P4HA3: variants seen among roughly 807,000 people sequenced by gnomAD.
P4HA3 encodes prolyl 4-hydroxylase subunit alpha-3.
P4HA3 carries 60 observed loss-of-function variants against 66.7 expected under a neutral mutation model. The observed-to-expected ratio is 0.90, with a 90% CI of 0.73 to 1.12. The LOEUF (loss-of-function observed/expected upper bound fraction) is 1.12, where lower values mean the gene tolerates loss of function less well. Ranked by LOEUF, P4HA3 falls within the 50% of genes most tolerant of loss-of-function variation. P4HA3 has a pLI of 0.00. For synonymous variants in P4HA3, 263 were observed against 274.6 expected (o/e 0.96, Z 0.42); for missense variants, 683 against 685.8 (o/e 1.00, Z 0.05).
intron 4 of P4HA3, among the ~76,000 whole-genome samples, chr11:74,290,659 A>G (rs1410608873): frequency 6.6e-6 from 1 of 152,166 alleles, no homozygotes; most frequent in Admixed American, 6.5e-5. Flanking sequence ...AGCTTTCTAC[A>G]TATGGCTAGC....
At chr11:74,290,920 C>T (rs1239749348) in intron 4 of P4HA3, among the ~76,000 whole-genome samples, 2 of 152,230 alleles carry the variant, frequency 1.3e-5, no homozygotes, top group Middle Eastern at 3.4e-3. Flanking sequence ...ATTGACTTGG[C>T]GATGCGGGCT....
intron 11 of P4HA3, 44 bp from the exon 12 acceptor site, chr11:74,268,285 C>T: frequency 6.6e-7 from 1 of 1,523,028 alleles, no homozygotes; most frequent in Non-Finnish European, 9.1e-7. Flanking sequence ...AGCCCAGAAC[C>T]TCAGTCCTCG....
At chr11:74,272,490 G>C (rs1860239776) in intron 10 of P4HA3, among the ~76,000 whole-genome samples, 1 of 152,190 alleles carries the variant, frequency 6.6e-6, no homozygotes, top group South Asian at 2.1e-4. Context: ...TCCCCTGCCT[G>C]ATAGCTGACC....
chr11:74,267,694 C>A (rs1025295400), intron 12 of P4HA3, among the ~76,000 whole-genome samples: 1 of 152,200 alleles, frequency 6.6e-6, no homozygotes, highest in Admixed American at 6.5e-5. Flanking sequence ...AGCTTATGAG[C>A]CCCCTTCCAC....
chr11:74,272,359 G>GAT lies in P4HA3; in HGVS notation c.1398+1184_1398+1185dup, dbSNP rs1860235407. On this transcript the variant is annotated intron_variant, in intron 10 of 12. Coordinates refer to ENST00000331597, the MANE Select transcript of P4HA3 (RefSeq NM_182904.5). Reference sequence around the variant, plus strand: ...AGATATTGAGGGGATAAAGAACAGAGATATATTGTGCCCTAGATGCCCTGT... The same window carrying GAT: ...AGATATTGAGGGGATAAAGAACAGAGATATATATTGTGCCCTAGATGCCCTGT... 2.6e-5 allele frequency among the ~76,000 whole-genome samples: 4 copies of GAT among 152,288 alleles called. No homozygotes were observed. In the South Asian group the frequency reaches 8.3e-4, roughly 32 times the overall value.
At position 74,267,267 on chromosome 11, in the gene P4HA3, C is replaced by A. The variant is rs771188402; in HGVS notation, c.1616G>T (p.Ser539Ile). 3.1e-6 allele frequency: 5 copies of A among 1,614,244 alleles called. No homozygotes were observed. The South Asian group carries it at 5.5e-5, about 18-fold the overall frequency. The change falls in exon 13 of 13, where the codon AGC becomes ATC. Residue 539 changes from serine (S) to isoleucine (I), a missense_variant. Coordinates refer to ENST00000331597, the MANE Select transcript of P4HA3 (RefSeq NM_182904.5). The stretch of plus-strand genomic sequence containing the variant: ...AACAGTTCAGTCTTCAGGGCTGGAG[C>A]TGCAGGGTCTGCGGAATTCCTGTCC... ...EYGQEFRRPC[S>I]SSPED
chr11:74,264,471 G>A (rs1388469989), downstream of P4HA3, among the ~76,000 whole-genome samples: 1 of 152,092 alleles, frequency 6.6e-6, no homozygotes, highest in Non-Finnish European at 1.5e-5. Flanking sequence ...CAGGGGTGAG[G>A]GGAGCCTCTT....
At chr11:74,293,732 CT>C (rs765781476) in intron 4 of P4HA3, among the ~76,000 whole-genome samples, 50 of 152,274 alleles carry the variant, frequency 3.3e-4, no homozygotes, top group Non-Finnish European at 6.2e-4. Context: ...ATATGAGATT[CT>C]GGGTTGAAAA....
At chr11:74,251,173 G>C (rs1163612454) in intron 15 of P4HA3, 1 of 1,465,676 alleles carries the variant, frequency 6.8e-7, no homozygotes, top group Non-Finnish European at 9.0e-7. Context: ...ACTTCTCCCT[G>C]GCAGCTGCTT....
intron 7 of P4HA3, among the ~76,000 whole-genome samples, chr11:74,281,549 A>C (rs1321764131): frequency 6.6e-6 from 1 of 152,222 alleles, no homozygotes. Context: ...CAGCCATAAA[A>C]AATGATGAGT....
In P4HA3 at chr11:74,286,208, C is replaced by T. The variant is rs748728331; in HGVS notation, c.933+20G>A. On this transcript the variant is annotated intron_variant, in intron 6 of 12. Transcript: ENST00000331597. ...TCTAGCCAGGCCTCTCCCCCTTTCT[C>T]TTTCCCTGAGGAATCCTACCTGGGA... The T allele has an allele frequency of 1.2e-5, 19 of 1,608,630 alleles. No homozygotes were observed. The highest frequency in any genetic ancestry group is 1.6e-5 in the Non-Finnish European group (19 of 1,178,266).
intron 7 of P4HA3, among the ~76,000 whole-genome samples, chr11:74,281,318 A>G (rs1406769399): frequency 1.3e-5 from 2 of 151,992 alleles, no homozygotes; most frequent in African/African-American, 2.4e-5. Flanking sequence ...CAGTGTGGCA[A>G]TTCCTCAGGG....
intron 7 of P4HA3, among the ~76,000 whole-genome samples, chr11:74,280,351 G>A (rs571084715): frequency 2.0e-5 from 3 of 151,980 alleles, no homozygotes; most frequent in African/African-American, 7.2e-5. Context: ...GTAGATACGG[G>A]GTCTTGTTTT....
chr11:74,259,439 T>C (rs114663321), intron 15 of P4HA3, among the ~76,000 whole-genome samples: 5 of 152,226 alleles, frequency 3.3e-5, no homozygotes, highest in African/African-American at 7.2e-5. Context: ...TTTAAAAAAA[T>C]AGTAAACTCT....
In P4HA3 at chr11:74,269,708, C is replaced by T; in HGVS notation, c.1411G>A (p.Glu471Lys). The change falls in exon 11 of 13, where the codon GAA becomes AAA. Residue 471 changes from glutamate to lysine, a missense_variant. Glu to Lys is a moderately conservative substitution (Grantham distance 56). Coordinates refer to ENST00000331597, the MANE Select transcript of P4HA3 (RefSeq NM_182904.5). ...ATGAAGGCTGTGGCTCCTCCAGCTT[C>T]CACCGAGCTCAGCTACAAGACCAGA... Reference protein sequence around the residue: ...ATFMIYLSSVEAGGATAFIYA... With the variant: ...ATFMIYLSSVKAGGATAFIYA... 1 of 1,613,946 alleles carries T rather than the reference C, an allele frequency of 6.2e-7. No individual in the cohort carries two copies. Among genetic ancestry groups the T allele is most frequent in the Non-Finnish European group, 8.5e-7 (1 of 1,179,896 alleles).
chr11:74,251,871 T>C (rs776302862), intron 15 of P4HA3: 11 of 957,774 alleles, frequency 1.1e-5, no homozygotes, highest in Middle Eastern at 4.2e-4. Context: ...CATGTCTGTT[T>C]CTACAAAGCC....
chr11:74,306,191 G>T (rs990442523), intron 1 of P4HA3, among the ~76,000 whole-genome samples: 1 of 152,166 alleles, frequency 6.6e-6, no homozygotes, highest in Admixed American at 6.6e-5. Context: ...GGAATAAGAG[G>T]TGGGATCGTC....
chr11:74,264,466 G>T (rs1313210520), downstream of P4HA3, among the ~76,000 whole-genome samples: 2 of 152,132 alleles, frequency 1.3e-5, no homozygotes, highest in African/African-American at 4.8e-5. Flanking sequence ...ACTTCCAGGG[G>T]TGAGGGGAGC....
chr11:74,295,498 A>C (rs558046009), intron 4 of P4HA3, among the ~76,000 whole-genome samples: 1 of 152,358 alleles, frequency 6.6e-6, no homozygotes, highest in Non-Finnish European at 1.5e-5. Context: ...ACTTCTAATG[A>C]TAAAAGCAAT....
Sources: allele counts gnomAD v4.1 joint callset (sites outside exome capture counted in the v4.1 genomes callset), GRCh38; gene constraint gnomAD v4.1.1; transcripts MANE v1.5; gene names NCBI Gene and HGNC (gene_info 2026-07-23, HGNC 2026-07-21).